Variants in PCCB observed in about 807,000 individuals in gnomAD.
PCCB encodes propionyl-CoA carboxylase subunit beta, also known as propionyl-CoA carboxylase beta chain, mitochondrial.
In PCCB, 43 loss-of-function variants were observed where a neutral mutation model predicts 60.7. The observed-to-expected ratio is 0.71, with a 90% CI of 0.55 to 0.91. PCCB has a LOEUF of 0.91. Ranked by LOEUF, PCCB falls within the 40% of genes least tolerant of loss-of-function variation. PCCB has a pLI of 0.00. For missense variants in PCCB, 766 were observed against 702.8 expected, an observed-to-expected ratio of 1.09 and a Z score of -1.02; for synonymous variants, 276 against 255.9, an observed-to-expected ratio of 1.08 and a Z score of -0.75.
At chr3:136,296,041 G>A (rs1933920781) in intron 7 of PCCB, among the ~76,000 whole-genome samples, 1 of 152,086 alleles carries the variant, frequency 6.6e-6, no homozygotes, top group South Asian at 2.1e-4. Flanking sequence ...ACAAAAAGGT[G>A]CTCCGTACAT....
intron 10 of PCCB, among the ~76,000 whole-genome samples, chr3:136,322,194 A>G (rs1935134179): frequency 6.6e-6 from 1 of 152,082 alleles, no homozygotes; most frequent in Non-Finnish European, 1.5e-5. Context: ...ATTTTGTTAC[A>G]TGCTTTTTTT....
chr3:136,297,623 G>A (rs1030379783), intron 7 of PCCB, among the ~76,000 whole-genome samples: 4 of 152,198 alleles, frequency 2.6e-5, no homozygotes, highest in African/African-American at 9.6e-5. Flanking sequence ...AAGTACGGGA[G>A]GAGAACTCCC....
At chr3:136,316,227 G>GA (rs796178619) in intron 9 of PCCB, among the ~76,000 whole-genome samples, 1,833 of 112,736 alleles carry the variant, frequency 0.016, 25 homozygotes, top group East Asian at 0.057. Context: ...CTCAAAAAAA[G>GA]AAAAAAAAAA....
rs531512529 is a variant in PCCB, at chr3:136,293,255, G to A, written c.655-501G>A. On this transcript the variant is annotated intron_variant, in intron 6 of 14. Transcript: ENST00000251654. ...TGGCCTGAAGTGATCCTCCTGCCTT[G>A]GCTTTCCAAAGTGTTGGGATTACAG... Among the ~76,000 whole-genome samples the A allele has an allele frequency of 5.3e-3, 800 of 152,290 alleles. 3 individuals are homozygous for A. The highest frequency in any genetic ancestry group is 8.1e-3 in the Admixed American group (124 of 15,300).
intron 5 of PCCB, among the ~76,000 whole-genome samples, chr3:136,268,092 A>ATATATATATATATATATG (rs1553775732): frequency 0.013 from 714 of 54,352 alleles, 8 homozygotes; most frequent in Non-Finnish European, 0.022. Context: ...GTGTAGATAT[A>ATATATATATATATATATG]TATATATATA....
chr3:136,300,114 C>T (rs942563708), intron 8 of PCCB, among the ~76,000 whole-genome samples: 2 of 151,164 alleles, frequency 1.3e-5, no homozygotes, highest in Admixed American at 1.3e-4. Flanking sequence ...ACATGCATAT[C>T]TACACGTGTA....
chr3:136,329,598 T>C lies in PCCB; in HGVS notation c.1499-307T>C, dbSNP rs138074255. On this transcript the variant is annotated intron_variant, in intron 14 of 14. Coordinates refer to ENST00000251654, the MANE Select transcript of PCCB (RefSeq NM_000532.5). ...TTATAGCCATTTTTGAAAACCTAGA[T>C]GTATTTTCTTTATTTCCTATTGAAT... is the stretch of plus-strand genomic sequence containing the variant. Among the ~76,000 whole-genome samples the C allele has an allele frequency of 5.1e-4, 77 of 152,298 alleles. No individual in the cohort carries two copies. In the East Asian group the frequency reaches 0.014, roughly 27 times the overall value.
intron 3 of PCCB, among the ~76,000 whole-genome samples, chr3:136,258,480 G>C (rs538080001): frequency 7.0e-4 from 106 of 152,310 alleles, no homozygotes; most frequent in Non-Finnish European, 1.2e-3. Context: ...TGAGGGTAGG[G>C]AGTGATGAGC....
intron 10 of PCCB, among the ~76,000 whole-genome samples, chr3:136,325,541 A>G (rs535423162): frequency 5.1e-4 from 77 of 151,376 alleles, no homozygotes; most frequent in African/African-American, 1.8e-3. Context: ...ATTTTTTAGT[A>G]GAGATGAGGT....
intron 5 of PCCB, among the ~76,000 whole-genome samples, chr3:136,265,347 C>T (rs1576410322): frequency 6.6e-6 from 1 of 152,228 alleles, no homozygotes; most frequent in African/African-American, 2.4e-5. Flanking sequence ...TACCTTCTTG[C>T]CTGTTTGCAG....
intron 9 of PCCB, among the ~76,000 whole-genome samples, chr3:136,316,227 GAAAA>G (rs796178619): frequency 4.4e-5 from 5 of 112,880 alleles, no homozygotes; most frequent in African/African-American, 1.6e-4. Flanking sequence ...CTCAAAAAAA[GAAAA>G]AAAAAAAAAG....
At chr3:136,297,338 T>C (rs1933982723) in intron 7 of PCCB, among the ~76,000 whole-genome samples, 1 of 152,138 alleles carries the variant, frequency 6.6e-6, no homozygotes, top group Non-Finnish European at 1.5e-5. Flanking sequence ...AGGAGTCTGG[T>C]GGGATGAACC....
At chr3:136,324,794 A>G (rs1362200283) in intron 10 of PCCB, among the ~76,000 whole-genome samples, 2 of 152,218 alleles carry the variant, frequency 1.3e-5, no homozygotes, top group Non-Finnish European at 2.9e-5. Flanking sequence ...GTTAGAGCAG[A>G]CATATGCGGA....
chr3:136,266,814 A>G (rs1941995580), intron 5 of PCCB, among the ~76,000 whole-genome samples: 1 of 152,148 alleles, frequency 6.6e-6, no homozygotes, highest in Admixed American at 6.5e-5. Flanking sequence ...TTTATCATAT[A>G]TATGATTTGT....
intron 5 of PCCB, among the ~76,000 whole-genome samples, chr3:136,264,358 G>C (rs1941911127): frequency 6.6e-6 from 1 of 150,996 alleles, no homozygotes; most frequent in Admixed American, 6.6e-5. Context: ...GTCCTTTATA[G>C]TGTGTGCTCT....
intron 14 of PCCB, 78 bp from the exon 15 acceptor site, chr3:136,329,827 C>G: frequency 6.5e-7 from 1 of 1,538,042 alleles, no homozygotes; most frequent in Middle Eastern, 1.8e-4. Context: ...AGGGATGGTG[C>G]CCAGGCTGAG....
intron 8 of PCCB, among the ~76,000 whole-genome samples, chr3:136,300,000 A>G (rs1387060867): frequency 6.6e-6 from 1 of 151,704 alleles, no homozygotes; most frequent in Non-Finnish European, 1.5e-5. Context: ...ATATATGCAT[A>G]CCCACACATA....
intron 9 of PCCB, among the ~76,000 whole-genome samples, chr3:136,305,098 CT>C (rs1193879384): frequency 4.3e-5 from 5 of 117,060 alleles, no homozygotes; most frequent in Non-Finnish European, 5.7e-5. Flanking sequence ...TCCAAATTCA[CT>C]TTTTTTTTTC....
At chr3:136,292,848 G>T (rs1027477584) in intron 6 of PCCB, among the ~76,000 whole-genome samples, 5 of 152,158 alleles carry the variant, frequency 3.3e-5, no homozygotes, top group Non-Finnish European at 5.9e-5. Flanking sequence ...ATGCCTTAGG[G>T]GAGGCGAATT....
Sources: gnomAD v4.1 joint callset for allele counts (sites outside exome capture counted in the v4.1 genomes callset) on GRCh38, gnomAD v4.1.1 for gene constraint, MANE v1.5 for transcripts, NCBI Gene and HGNC (gene_info 2026-07-23, HGNC 2026-07-21) for gene names.